CYP2D6: variants seen among roughly 807,000 people sequenced by gnomAD.
CYP2D6 encodes cytochrome P450 2D6.
CYP2D6 carries 51 observed loss-of-function variants against 43.5 expected under a neutral mutation model. That is an observed-to-expected ratio of 1.17 (90% confidence interval 0.94 to 1.48). CYP2D6 has a LOEUF of 1.48. Among genes scored for constraint, CYP2D6 ranks in the 40% most tolerant of loss-of-function variants. The probability of loss-of-function intolerance (pLI) is 0.00; values close to 1 mark genes in which losing one functional copy is unlikely to be tolerated. For missense variants in CYP2D6, 698 were observed against 688.0 expected (o/e 1.01, Z -0.16); for synonymous variants, 346 against 297.1 (o/e 1.16, Z -1.69).
chr22:42,127,195 T>A (rs1287640159), intron 7 of CYP2D6, among the ~76,000 whole-genome samples: 1 of 151,108 alleles, frequency 6.6e-6, no homozygotes, highest in African/African-American at 2.4e-5. Flanking sequence ...CACTGCCCCC[T>A]CTCCCTGCAG....
Position 42,127,500 on chromosome 22 carries a change from C to T in CYP2D6, c.1120G>A (p.Val374Met), listed in dbSNP as rs1065569. The T allele has an allele frequency of 1.2e-5, 20 of 1,611,612 alleles. No homozygotes were observed. Among genetic ancestry groups the T allele is most frequent in the Non-Finnish European group, 1.6e-5 (19 of 1,178,364 alleles). Reference sequence around the variant, plus strand: ...ATGTCACGGGATGTCATATGGGTCACACCCAGGGGGACGATGTCCCCAAAG... The same window carrying T: ...ATGTCACGGGATGTCATATGGGTCATACCCAGGGGGACGATGTCCCCAAAG... The part of the protein sequence containing the change: ...QRFGDIVPLG[V>M]THMTSRDIEV... The change falls in exon 7 of 9, where the codon GTG becomes ATG. Residue 374 changes from valine to methionine, a missense_variant. Around this residue, in one of 5 missense-constraint regions of CYP2D6, gnomAD observed 588 missense variants for 521.1 expected, o/e 1.13. Transcript: ENST00000645361.
chr22:42,129,668 C>G (rs1931706456), intron 2 of CYP2D6, 70 bp downstream of exon 2: 1 of 1,590,244 alleles, frequency 6.3e-7, no homozygotes, highest in Non-Finnish European at 8.6e-7. Flanking sequence ...CCCTCTCTGC[C>G]CAGCTCGGAC....
In CYP2D6 at chr22:42,128,195, G is replaced by A. The variant is rs764506685; in HGVS notation, c.822C>T (p.Ala274=). The change falls in exon 5 of 9, where the codon GCC becomes GCT. Residue 274 remains alanine, a synonymous_variant. Transcript: ENST00000645361. ...TCACCTTCTCCATCTCTGCCAGGAAGGCCTCAGTCAGGTCTCGGGGGGGCT... is the reference window on the plus strand; with the variant it reads ...TCACCTTCTCCATCTCTGCCAGGAAAGCCTCAGTCAGGTCTCGGGGGGGCT... ...PAQPPRDLTE[A]FLAEMEKAKG... is the part of the protein sequence containing the mutation. 86 of 1,608,466 alleles carry A rather than the reference G, an allele frequency of 5.3e-5. No homozygotes were observed. Among genetic ancestry groups the A allele is most frequent in the Non-Finnish European group, 7.1e-5 (84 of 1,177,136 alleles).
intron 2 of CYP2D6, chr22:42,129,480 G>T: frequency 2.8e-6 from 2 of 724,934 alleles, no homozygotes. Context: ...TTCGACACCG[G>T]ATTCCAGCTG....
At chr22:42,128,040 C>T in intron 5 of CYP2D6, 57 bp from the exon 6 acceptor site, 6 of 1,608,282 alleles carry the variant, frequency 3.7e-6, no homozygotes, top group Admixed American at 1.7e-5. Flanking sequence ...AAATGACCTC[C>T]AATTCTGCAC....
In CYP2D6 at chr22:42,128,691, C is replaced by G. The variant is rs1931407068; in HGVS notation, c.666+93G>C. The G allele has an allele frequency of 2.1e-6, 3 of 1,438,082 alleles. 1 individual carries two copies. The highest frequency in any genetic ancestry group is 2.4e-5 in the East Asian group (1 of 40,872). 89.1% of individuals were successfully genotyped at this position (1,438,082 alleles called of 1,614,324 possible). A position where few individuals can be genotyped will look rare whatever the true frequency, so the allele number is the denominator to read the frequency against. On this transcript the variant is annotated intron_variant, in intron 4 of 8. Coordinates refer to ENST00000645361, the MANE Select transcript of CYP2D6 (RefSeq NM_000106.6). The stretch of plus-strand genomic sequence containing the variant: ...CTGGAATGTCCTTTCCCAAACCCAT[C>G]TATGCAAATCCTGCTCTTCCGAGGC...
rs1376187968 is a variant in CYP2D6 at position 42,129,109 on chromosome 22, G to A, written c.429C>T (p.Gly143=). 3.1e-6 allele frequency: 5 copies of A among 1,610,402 alleles called. 1 individual carries two copies. The highest frequency in any genetic ancestry group is 4.2e-6 in the Non-Finnish European group (5 of 1,177,938). The stretch of plus-strand genomic sequence containing the variant: ...ACTGCTCCAGCGACTTCTTGCCCAG[G>A]CCCAAGTTGCGCAAGGTGGACACGG... The part of the protein sequence containing the change: ...RFSVSTLRNL[G]LGKKSLEQWV... Residue 143 remains glycine, a synonymous_variant, in exon 3 of 9, where the codon GGC becomes GGT. Transcript: ENST00000645361.
At position 42,130,690 on chromosome 22, in the gene CYP2D6, T is replaced by C. The variant is rs151226748; in HGVS notation, c.102A>G (p.Pro34=). 116 of 1,606,750 alleles carry C rather than the reference T, an allele frequency of 7.2e-5. 3 individuals are homozygous for C. Among genetic ancestry groups the C allele is most frequent in the Middle Eastern group, 1.7e-4 (1 of 6,030 alleles). Reference sequence around the variant, plus strand: ...GCCCGGGCAGTGGCAGGGGGCCTGGTGGGTAGCGTGCAGCCCAGCGTTGGC... The same window carrying C: ...GCCCGGGCAGTGGCAGGGGGCCTGGCGGGTAGCGTGCAGCCCAGCGTTGGC... The part of the protein sequence containing the change: ...HRRQRWAARY[P]PGPLPLPGLG... Residue 34 remains proline (P), a synonymous_variant, in exon 1 of 9, where the codon CCA becomes CCG. Coordinates refer to ENST00000645361, the MANE Select transcript of CYP2D6 (RefSeq NM_000106.6).
At chr22:42,129,324 C>T (rs1349756340) in intron 2 of CYP2D6, 139 bp from the exon 3 acceptor site, 10 of 1,159,834 alleles carry the variant, frequency 8.6e-6, no homozygotes, top group Non-Finnish European at 8.7e-6. Flanking sequence ...ACTCTTTGTG[C>T]ATCCACCTTG....
At chr22:42,128,986 C>T (rs1481867482) in intron 3 of CYP2D6, 42 bp from the exon 4 acceptor site, 10 of 1,587,078 alleles carry the variant, frequency 6.3e-6, no homozygotes, top group Non-Finnish European at 8.6e-6. Context: ...CTTCCCCGTC[C>T]CCCGCCTTCC....
intron 1 of CYP2D6, chr22:42,130,264 G>C: frequency 1.9e-6 from 1 of 514,146 alleles, no homozygotes; most frequent in Non-Finnish European, 3.4e-6. Flanking sequence ...CCTCGATTTC[G>C]TGATTTAAAC....
At chr22:42,130,525 C>G (rs1337702388) in intron 1 of CYP2D6, 87 bp downstream of exon 1, 2 of 1,282,658 alleles carry the variant, frequency 1.6e-6, no homozygotes, top group African/African-American at 3.1e-5. Flanking sequence ...GCTTCTGGTC[C>G]AGCCTGTGGT....
At chr22:42,129,712 C>G (rs774312443) in intron 2 of CYP2D6, 26 bp downstream of exon 2, 3 of 1,609,108 alleles carry the variant, frequency 1.9e-6, no homozygotes, top group Non-Finnish European at 1.7e-6. Context: ...CCACGGAAAT[C>G]TGTCTCTGTC....
chr22:42,129,630 T>C, intron 2 of CYP2D6, 108 bp downstream of exon 2: 4 of 1,451,610 alleles, frequency 2.8e-6, no homozygotes, highest in Non-Finnish European at 3.8e-6. Context: ...CCCCACTCGC[T>C]GGCCTGTTTC....
intron 5 of CYP2D6, 56 bp downstream of exon 5, chr22:42,128,118 C>G: frequency 2.5e-6 from 4 of 1,578,844 alleles, no homozygotes; most frequent in Non-Finnish European, 3.5e-6. Context: ...TCCCCTCATT[C>G]CTCCTGGGAC....
At chr22:42,129,469 C>A in intron 2 of CYP2D6, 1 of 729,128 alleles carries the variant, frequency 1.4e-6, no homozygotes, top group Non-Finnish European at 2.4e-6. Flanking sequence ...CCGCCCCCCA[C>A]TTCGACACCG....
At chr22:42,127,336 T>TA (rs1172838421) in intron 7 of CYP2D6, 111 bp downstream of exon 7, 9 of 1,232,088 alleles carry the variant, frequency 7.3e-6, no homozygotes, top group Non-Finnish European at 1.1e-5. Flanking sequence ...TGTGGTGGCA[T>TA]TGAGGACTAG....
At chr22:42,128,447 G>T in intron 4 of CYP2D6, 97 bp from the exon 5 acceptor site, 2 of 1,391,534 alleles carry the variant, frequency 1.4e-6, no homozygotes, top group South Asian at 1.2e-5. Flanking sequence ...CCCAGGGCCT[G>T]CCTGTCCTTA....
At chr22:42,129,413 C>G (rs996209064) in intron 2 of CYP2D6, 1 of 782,320 alleles carries the variant, frequency 1.3e-6, no homozygotes, top group South Asian at 1.5e-5. Flanking sequence ...GAAGACCCCG[C>G]GGGCCCCGCG....
Sources: allele counts gnomAD v4.1 joint callset (sites outside exome capture counted in the v4.1 genomes callset), GRCh38; gene constraint gnomAD v4.1.1; regional missense constraint gnomAD v4.1.1; transcripts MANE v1.5; gene names NCBI Gene and HGNC (gene_info 2026-07-23, HGNC 2026-07-21).